The following PLXNB2 variants were observed in gnomAD, a reference collection of about 807,000 sequenced individuals.
The protein encoded by PLXNB2 is plexin B2.
In PLXNB2, 85 loss-of-function variants were observed where a neutral mutation model predicts 202.6. The ratio of observed to expected loss-of-function variants is 0.42; its 90% CI spans 0.35 to 0.50. The LOEUF (loss-of-function observed/expected upper bound fraction) is 0.50. PLXNB2 is among the 20% of genes least tolerant of loss of function. The pLI, the probability that PLXNB2 is intolerant of heterozygous loss-of-function variation, is 0.02. For synonymous variants in PLXNB2, 1,239 were observed against 1,137.6 expected, an observed-to-expected ratio of 1.09 and a Z score of -1.79; for missense variants, 2,063 against 2,586.2, an observed-to-expected ratio of 0.80 and a Z score of 4.39.
intron 7 of PLXNB2, 27 bp from the exon 8 acceptor site, chr22:50,287,291 C>T (rs1039013318): frequency 1.1e-5 from 16 of 1,460,476 alleles, no homozygotes; most frequent in Middle Eastern, 3.6e-4. Context: ...GCCGCTCACA[C>T]TGGGAACCCC....
At chr22:50,296,611 AAAGG>A (rs2067296075) in intron 1 of PLXNB2, among the ~76,000 whole-genome samples, 1 of 150,872 alleles carries the variant, frequency 6.6e-6, no homozygotes, top group African/African-American at 2.4e-5. Context: ...AAAAAAAAAA[AAAGG>A]AAAAGAAAAG....
chr22:50,278,886 G>A lies in PLXNB2; in HGVS notation c.4515C>T (p.Ser1505=). 6.2e-7 allele frequency: 1 copy of A among 1,612,926 alleles called. No individual in the cohort carries two copies. The highest frequency in any genetic ancestry group is 8.5e-7 in the Non-Finnish European group (1 of 1,179,474). ...CCACGCTGTCTGGCCTGGGCCAGCAGGAGCAGGGCTGCCCACGGTACACCT... is the reference window on the plus strand; with the variant it reads ...CCACGCTGTCTGGCCTGGGCCAGCAAGAGCAGGGCTGCCCACGGTACACCT... ...IDQVYRGQPC[S]CWPRPDSVVL... is the part of the protein sequence containing the mutation. Residue 1505 remains serine, a synonymous_variant, in exon 28 of 37, where the codon TCC becomes TCT. Coordinates refer to ENST00000359337, the MANE Select transcript of PLXNB2 (RefSeq NM_012401.4).
intron 25 of PLXNB2, 24 bp from the exon 26 acceptor site, chr22:50,280,095 A>C: frequency 6.4e-7 from 1 of 1,570,310 alleles, no homozygotes; most frequent in Non-Finnish European, 8.6e-7. Context: ...GAGGCCTTGT[A>C]CCGAGTGACC....
chr22:50,280,714 G>GGCCCAC, intron 24 of PLXNB2, 30 bp downstream of exon 24: 4 of 1,528,938 alleles, frequency 2.6e-6, no homozygotes, highest in Non-Finnish European at 3.5e-6. Flanking sequence ...CCACCTGTGT[G>GGCCCAC]CCCTCCCGCC....
At chr22:50,296,478 C>T (rs552011902) in intron 1 of PLXNB2, among the ~76,000 whole-genome samples, 3 of 151,156 alleles carry the variant, frequency 2.0e-5, no homozygotes, top group Non-Finnish European at 4.4e-5. Flanking sequence ...CGGTGGCTCA[C>T]GCCTGTAATC....
chr22:50,287,154 G>A lies in PLXNB2; in HGVS notation c.1719C>T (p.Ile573=). 6.5e-7 allele frequency: 1 copy of A among 1,545,000 alleles called. No individual in the cohort carries two copies. The highest frequency in any genetic ancestry group is 8.7e-7 in the Non-Finnish European group (1 of 1,144,104). ...CGGGGATGCTGCTTGGGGAGTTGCA[G>A]ATGACGGCCTCGCCCTCCACGCGGG... is the stretch of plus-strand genomic sequence containing the variant. ...HPARVEGEAV[I]CNSPSSIPVT... The change falls in exon 8 of 37, where the codon ATC becomes ATT. Residue 573 remains isoleucine, a synonymous_variant. Coordinates refer to ENST00000359337, the MANE Select transcript of PLXNB2 (RefSeq NM_012401.4).
Position 50,278,112 on chromosome 22 carries a change from C to T in PLXNB2, c.4887+5G>A, listed in dbSNP as rs1330331879. 9 of 1,602,018 alleles carry T rather than the reference C, an allele frequency of 5.6e-6. No individual in the cohort carries two copies. Among genetic ancestry groups the T allele is most frequent in the Admixed American group, 1.7e-5 (1 of 59,914 alleles). On this transcript the variant is annotated splice_donor_5th_base_variant and intron_variant, in intron 31 of 36. Coordinates refer to ENST00000359337, the MANE Select transcript of PLXNB2 (RefSeq NM_012401.4). ...GGTGCCGCCCACACACCCATGGGGGCCCACCTTGACTGAGAGCAGCCGCGT... is the reference window on the plus strand; with the variant it reads ...GGTGCCGCCCACACACCCATGGGGGTCCACCTTGACTGAGAGCAGCCGCGT...
chr22:50,283,359 G>C lies in PLXNB2; in HGVS notation c.2657C>G (p.Pro886Arg), dbSNP rs1012249197. The C allele has an allele frequency of 6.2e-7, 1 of 1,613,176 alleles. No individual in the cohort carries two copies. Among genetic ancestry groups the C allele is most frequent in the Admixed American group, 1.7e-5 (1 of 60,016 alleles). Residue 886 changes from proline to arginine, a missense_variant, in exon 16 of 37, where the codon CCC (proline) becomes CGC (arginine). Pro to Arg is a moderately radical substitution (Grantham distance 103). Transcript: ENST00000359337. Reference protein sequence around the residue: ...DVFGKLGRSPPNVQFTFQQPK... With the variant: ...DVFGKLGRSPRNVQFTFQQPK... ...TACTTGGAAGGTGAACTGGACATTG[G>C]GAGGCGAACGGCCCAGTTTCCCGAA...
chr22:50,293,420 T>C (rs567912133), intron 2 of PLXNB2, among the ~76,000 whole-genome samples: 1 of 152,198 alleles, frequency 6.6e-6, no homozygotes, highest in African/African-American at 2.4e-5. Context: ...CCCCGCCTTC[T>C]AAGTGCACCC....
Position 50,280,975 on chromosome 22 carries a change from T to C in PLXNB2, c.3764-2A>G. On this transcript the variant is annotated splice_acceptor_variant, in intron 23 of 36. Transcript: ENST00000359337. LOFTEE classifies it high-confidence loss of function. ...GGTCCTCCATCTCGATCATCAGGTC[T>C]GGGGGGAGGCTGGCGTGAGACGTCC... 1.2e-6 allele frequency: 2 copies of C among 1,612,584 alleles called. No homozygotes were observed. The highest frequency in any genetic ancestry group is 8.5e-7 in the Non-Finnish European group (1 of 1,179,508).
At chr22:50,282,537 G>GC (rs1051301729) in intron 18 of PLXNB2, 174 bp downstream of exon 18, 1 of 668,188 alleles carries the variant, frequency 1.5e-6, no homozygotes, top group African/African-American at 1.8e-5. Context: ...CCTCTGGTGT[G>GC]CCCATCTGGG....
intron 27 of PLXNB2, 39 bp from the exon 28 acceptor site, chr22:50,279,050 T>C: frequency 1.3e-6 from 2 of 1,567,620 alleles, no homozygotes; most frequent in Middle Eastern, 3.4e-4. Context: ...TGGGAGGCCC[T>C]GCTCTTACCT....
chr22:50,289,796 G>T lies in PLXNB2; in HGVS notation c.789C>A (p.Asp263Glu). Residue 263 changes from aspartate (D) to glutamate (E), a missense_variant, in exon 3 of 37, where the codon GAC becomes GAA. By Grantham distance (45) the Asp-to-Glu change is conservative. Coordinates refer to ENST00000359337, the MANE Select transcript of PLXNB2 (RefSeq NM_012401.4). This position sits in a 1 kb window ranked among gnomAD's most constrained non-coding sequence, Gnocchi z 8.0. ...DPNYYSYLEM[D>E]LQCRDPDIHA... The stretch of plus-strand genomic sequence containing the variant: ...GGATGTCGGGGTCCCGGCACTGCAG[G>T]TCCATCTCCAGGTAGGAGTAGTAGT... 6.2e-7 allele frequency: 1 copy of T among 1,613,180 alleles called. No individual in the cohort carries two copies. Among genetic ancestry groups the T allele is most frequent in the Non-Finnish European group, 8.5e-7 (1 of 1,180,028 alleles).
At chr22:50,276,582 A>C in intron 35 of PLXNB2, 47 bp downstream of exon 35, 11 of 1,409,844 alleles carry the variant, frequency 7.8e-6, no homozygotes, top group Non-Finnish European at 1.1e-5. Context: ...AGCATGGGGT[A>C]GTGGGAGCGG....
intron 1 of PLXNB2, among the ~76,000 whole-genome samples, chr22:50,305,958 C>T (rs1160849859): frequency 6.6e-6 from 1 of 152,206 alleles, no homozygotes; most frequent in Non-Finnish European, 1.5e-5. Flanking sequence ...CTTCTCCCCG[C>T]CCAGTCTGGG....
At chr22:50,282,536 T>C in intron 18 of PLXNB2, 175 bp downstream of exon 18, 1 of 672,336 alleles carries the variant, frequency 1.5e-6, no homozygotes, top group Non-Finnish European at 2.5e-6. Context: ...GCCTCTGGTG[T>C]GCCCATCTGG....
In PLXNB2 at chr22:50,288,893, G is replaced by C; in HGVS notation, c.1252-22C>G. ...ACACCTGTGTGCGCGAGGGCAGGCC[G>C]GTGAGGGTACGGGCCTTGTGCACAG... On this transcript the variant is annotated intron_variant, in intron 4 of 36. Transcript: ENST00000359337. This position sits in a 1 kb window ranked among gnomAD's most constrained non-coding sequence, Gnocchi z 5.0. 1 of 1,612,862 alleles carries C rather than the reference G, an allele frequency of 6.2e-7. No homozygotes were observed. Among genetic ancestry groups the C allele is most frequent in the Non-Finnish European group, 8.5e-7 (1 of 1,179,704 alleles).
At position 50,292,722 on chromosome 22, in the gene PLXNB2, T is replaced by G. The variant is rs377720718; in HGVS notation, c.-14+1997A>C. Among the ~76,000 whole-genome samples the G allele has an allele frequency of 1.1e-4, 17 of 152,052 alleles. No homozygotes were observed. The East Asian group carries it at 1.5e-3, about 14-fold the overall frequency. ...GCTGCATTTACTGGCACAGCCGCCC[T>G]CCACCTGCCCGTGGCAACCCCCCGT... On this transcript the variant is annotated intron_variant, in intron 2 of 36. Coordinates refer to ENST00000359337, the MANE Select transcript of PLXNB2 (RefSeq NM_012401.4).
At chr22:50,299,934 C>G (rs1344887103) in intron 1 of PLXNB2, among the ~76,000 whole-genome samples, 3 of 152,144 alleles carry the variant, frequency 2.0e-5, no homozygotes, top group Non-Finnish European at 4.4e-5. Context: ...CCGGCACCGC[C>G]AGACTCCCCG....
Sources: gnomAD v4.1 joint callset for allele counts (sites outside exome capture counted in the v4.1 genomes callset) on GRCh38, gnomAD v4.1.1 for gene constraint, Gnocchi (gnomAD v3.1) non-coding constraint, MANE v1.5 for transcripts, NCBI Gene and HGNC (gene_info 2026-07-23, HGNC 2026-07-21) for gene names.